HYDIN: variants seen among roughly 807,000 people sequenced by gnomAD.
HYDIN encodes HYDIN axonemal central pair apparatus protein, also known as axonemal central pair apparatus protein HYDIN.
A neutral mutation model predicts 403.9 loss-of-function variants in HYDIN; 132 were observed. The observed-to-expected ratio is 0.33, with a 90% CI of 0.28 to 0.38. The LOEUF is 0.38. Among genes scored for constraint, HYDIN ranks in the 10% least tolerant of loss-of-function variants. HYDIN has a pLI of 1.00. For synonymous variants in HYDIN, 1,202 were observed against 1,891.7 expected (o/e 0.64, Z 9.46); for missense variants, 2,827 against 5,009.5 (o/e 0.56, Z 13.15).
rs747058911 is a variant in HYDIN, at chr16:71,093,820, A to C, written c.1443T>G (p.Tyr481Ter). ...GKVFTGSAHC[Y>*]EAILYNKGSI... ...AACGAACAACTCTAGTGCTTACCTC[A>C]TAACAATGTGCAGATCCAGTGAAAA... The change falls in exon 11 of 86, where the codon TAT becomes TAG. Residue 481 changes from tyrosine to a stop codon, truncating the protein, a stop_gained. Transcript: ENST00000393567. LOFTEE classifies it high-confidence loss of function. 1 of 1,613,278 alleles carries C rather than the reference A, an allele frequency of 6.2e-7. No individual in the cohort carries two copies. The highest frequency in any genetic ancestry group is 1.3e-5 in the African/African-American group (1 of 74,916).
chr16:70,991,520 C>T (rs1418122666), intron 24 of HYDIN, 124 bp from the exon 25 acceptor site: 1 of 1,449,402 alleles, frequency 6.9e-7, no homozygotes, highest in African/African-American at 1.4e-5. Context: ...AAGGGGGATT[C>T]TCAATCAAGG....
chr16:71,179,895 C>T (rs1351416254), intron 3 of HYDIN, among the ~76,000 whole-genome samples: 2 of 152,172 alleles, frequency 1.3e-5, no homozygotes, highest in Non-Finnish European at 2.9e-5. Flanking sequence ...TCCAATGATG[C>T]CCTGTGAGTT....
intron 19 of HYDIN, 47 bp from the exon 20 acceptor site, chr16:71,027,922 TC>T: frequency 1.8e-6 from 1 of 560,254 alleles, no homozygotes. Context: ...TTAGGGATGT[TC>T]TGTTCAGCTC....
intron 75 of HYDIN, among the ~76,000 whole-genome samples, chr16:70,846,622 G>C (rs2143564860): frequency 1.0e-5 from 1 of 99,688 alleles, no homozygotes; most frequent in East Asian, 3.0e-4. Flanking sequence ...TCGTTGATCT[G>C]TCTAATGTTG....
intron 10 of HYDIN, among the ~76,000 whole-genome samples, chr16:71,094,624 T>G (rs1392412310): frequency 6.6e-6 from 1 of 152,290 alleles, no homozygotes; most frequent in Admixed American, 6.5e-5. Context: ...AAAGACTATC[T>G]CTTCATGTAT....
chr16:71,163,711 C>A (rs2086109234), intron 5 of HYDIN, among the ~76,000 whole-genome samples: 1 of 152,318 alleles, frequency 6.6e-6, no homozygotes, highest in African/African-American at 2.4e-5. Context: ...CCAGCTGATC[C>A]CCAGATATGT....
intron 3 of HYDIN, among the ~76,000 whole-genome samples, chr16:71,182,076 C>G (rs888409580): frequency 1.3e-5 from 2 of 152,076 alleles, no homozygotes; most frequent in African/African-American, 4.8e-5. Flanking sequence ...GTGCAAAGTC[C>G]TTCAGGTGGA....
intron 36 of HYDIN, among the ~76,000 whole-genome samples, chr16:70,968,974 T>C (rs1030901145): frequency 1.8e-4 from 28 of 151,632 alleles, no homozygotes; most frequent in African/African-American, 5.8e-4. Flanking sequence ...CAAATGAAAA[T>C]TTTAGAACGT....
At position 70,840,110 on chromosome 16, in the gene HYDIN, A is replaced by G. The variant is rs752995802; in HGVS notation, c.12997T>C (p.Tyr4333His). The change falls in exon 76 of 86, where the codon TAC (tyrosine) becomes CAC (histidine). Residue 4333 changes from tyrosine (Y) to histidine (H), a missense_variant. By Grantham distance (83) the Tyr-to-His change is moderately conservative (BLOSUM62 2). Transcript: ENST00000393567. ...CFIYQAGMPPYKQTLVITNKE... is the reference protein window; with the variant it reads ...CFIYQAGMPPHKQTLVITNKE... The stretch of plus-strand genomic sequence containing the variant: ...TTGGTAATTACCAGGGTTTGTTTGT[A>G]TGGGGGCATCCCAGCTTGATAGATA... The G allele has an allele frequency of 1.5e-5, 13 of 854,996 alleles. No homozygotes were observed. The South Asian group carries it at 2.1e-4, about 13-fold the overall frequency. The allele number at this position is 854,996 out of a possible 1,614,324, so 53.0% of individuals were successfully genotyped here. A position where few individuals can be genotyped will look rare whatever the true frequency, so the allele number is the denominator to read the frequency against.
At chr16:71,045,258 C>T (rs1315054743) in intron 18 of HYDIN, among the ~76,000 whole-genome samples, 1 of 152,164 alleles carries the variant, frequency 6.6e-6, no homozygotes, top group East Asian at 1.9e-4. Context: ...TTGTTGCTCC[C>T]CAGTTTCTCA....
At chr16:71,005,012 C>T (rs2079849783) in intron 23 of HYDIN, among the ~76,000 whole-genome samples, 1 of 152,078 alleles carries the variant, frequency 6.6e-6, no homozygotes, top group African/African-American at 2.4e-5. Context: ...AATGTCTAAG[C>T]CTGTGTTTTT....
chr16:70,997,202 T>G (rs910980067), intron 23 of HYDIN, among the ~76,000 whole-genome samples: 39 of 139,632 alleles, frequency 2.8e-4, no homozygotes, highest in Admixed American at 1.6e-3. Context: ...TGGTGGGGAG[T>G]GGCTGTAAAT....
At chr16:71,132,640 C>T (rs1444272301) in intron 8 of HYDIN, 1 of 131,284 alleles carries the variant, frequency 7.6e-6, no homozygotes, top group East Asian at 2.3e-4. Flanking sequence ...GCTCCATGGA[C>T]TGAGGAGTAT....
At chr16:70,834,980 A>ATATATATATATACACACATATATGTGTG (rs2037308313) in intron 78 of HYDIN, among the ~76,000 whole-genome samples, 9 of 128,638 alleles carry the variant, frequency 7.0e-5, no homozygotes, top group African/African-American at 3.3e-4. Flanking sequence ...ATGTGTGTAT[A>ATATATATATATACACACATATATGTGTG]TATATATATA....
chr16:71,192,884 C>G (rs1177113552), intron 1 of HYDIN, among the ~76,000 whole-genome samples: 1 of 152,002 alleles, frequency 6.6e-6, no homozygotes, highest in Non-Finnish European at 1.5e-5. Context: ...ATGACTTTTC[C>G]CAAATCTCCA....
chr16:71,068,791 G>T (rs951186098), intron 14 of HYDIN, among the ~76,000 whole-genome samples: 1 of 152,186 alleles, frequency 6.6e-6, no homozygotes, highest in Admixed American at 6.5e-5. Flanking sequence ...AAGATAAGGC[G>T]CTGTTAGTGA....
chr16:71,176,947 T>C (rs925389901), intron 4 of HYDIN, among the ~76,000 whole-genome samples: 3 of 152,108 alleles, frequency 2.0e-5, no homozygotes, highest in African/African-American at 7.2e-5. Flanking sequence ...CTCCCCATGG[T>C]TCTTTATGAA....
chr16:70,904,797 C>T (rs1164943898), intron 50 of HYDIN, among the ~76,000 whole-genome samples: 4 of 151,202 alleles, frequency 2.6e-5, no homozygotes, highest in Admixed American at 6.6e-5. Flanking sequence ...CCACCGTGCC[C>T]GGCCTCACTT....
intron 46 of HYDIN, among the ~76,000 whole-genome samples, chr16:70,919,488 G>C (rs1752137866): frequency 6.6e-6 from 1 of 152,058 alleles, no homozygotes; most frequent in South Asian, 2.1e-4. Flanking sequence ...GCGGCACATG[G>C]AAGTCACATG....
Sources: gnomAD v4.1 joint callset for allele counts (sites outside exome capture counted in the v4.1 genomes callset) on GRCh38, gnomAD v4.1.1 for gene constraint, MANE v1.5 for transcripts, NCBI Gene and HGNC (gene_info 2026-07-23, HGNC 2026-07-21) for gene names.